The following AGMO variants were observed in gnomAD, a reference collection of about 807,000 sequenced individuals.
The protein encoded by AGMO is glyceryl-ether monooxygenase.
In AGMO, 75 loss-of-function variants were observed where a neutral mutation model predicts 60.2. That is an observed-to-expected ratio of 1.25 (90% CI 1.03 to 1.51). AGMO has a LOEUF of 1.51. Among genes scored for constraint, AGMO ranks in the 40% most tolerant of loss-of-function variants. AGMO has a pLI of 0.00. For synonymous variants in AGMO, 261 were observed against 177.1 expected (o/e 1.47, Z -3.76); for missense variants, 763 against 525.5 (o/e 1.45, Z -4.42).
At chr7:15,552,272 T>A (rs1784987339) in intron 2 of AGMO, among the ~76,000 whole-genome samples, 1 of 152,206 alleles carries the variant, frequency 6.6e-6, no homozygotes, top group African/African-American at 2.4e-5. Context: ...AAGGACTTCA[T>A]GTCCAAAACA....
intron 2 of AGMO, among the ~76,000 whole-genome samples, chr7:15,559,761 A>G (rs1237373629): frequency 3.9e-5 from 6 of 152,118 alleles, no homozygotes; most frequent in African/African-American, 1.4e-4. Context: ...TATTGTAGTT[A>G]TTCAGAGATT....
At chr7:15,422,280 T>A (rs2128495353) in intron 4 of AGMO, among the ~76,000 whole-genome samples, 1 of 152,116 alleles carries the variant, frequency 6.6e-6, no homozygotes, top group East Asian at 1.9e-4. Context: ...CCTGTTTATT[T>A]TTTTTTAATG....
At chr7:15,254,419 A>T (rs1783038444) in intron 12 of AGMO, among the ~76,000 whole-genome samples, 1 of 152,064 alleles carries the variant, frequency 6.6e-6, no homozygotes, top group East Asian at 1.9e-4. Flanking sequence ...GTTATTTGAT[A>T]ATAGCCCTTC....
At chr7:15,477,284 G>A (rs1312054644) in intron 3 of AGMO, among the ~76,000 whole-genome samples, 1 of 152,104 alleles carries the variant, frequency 6.6e-6, no homozygotes, top group Non-Finnish European at 1.5e-5. Flanking sequence ...TCTTTTGGGT[G>A]AGTGGTTAGA....
At chr7:15,529,189 T>C (rs926631043) in intron 3 of AGMO, among the ~76,000 whole-genome samples, 4 of 152,028 alleles carry the variant, frequency 2.6e-5, no homozygotes, top group African/African-American at 9.7e-5. Flanking sequence ...ATAATCATGG[T>C]GTTTTTAAAA....
At chr7:15,363,078 G>C (rs187361223) in intron 12 of AGMO, among the ~76,000 whole-genome samples, 16 of 152,280 alleles carry the variant, frequency 1.1e-4, no homozygotes, top group Non-Finnish European at 1.9e-4. Context: ...AATAATACTA[G>C]TAAGGCATTT....
chr7:15,135,162 TTGTGTGTGTGTG>T, the AGMO span, among the ~76,000 whole-genome samples: 2 of 102,010 alleles, frequency 2.0e-5, no homozygotes, highest in African/African-American at 3.5e-5. Context: ...TTATATGAGT[TTGTGTGTGTGTG>T]TGTGTGTGTG....
intron 3 of AGMO, among the ~76,000 whole-genome samples, chr7:15,464,475 G>C (rs1038764328): frequency 6.6e-6 from 1 of 152,182 alleles, no homozygotes; most frequent in Non-Finnish European, 1.5e-5. Flanking sequence ...AAACAAGTAA[G>C]TCGTACCAAT....
chr7:15,304,827 C>G (rs890276760), intron 12 of AGMO, among the ~76,000 whole-genome samples: 1 of 151,972 alleles, frequency 6.6e-6, no homozygotes, highest in African/African-American at 2.4e-5. Flanking sequence ...CATATATTCT[C>G]ATGAAAATCT....
At chr7:15,512,062 T>G (rs1783690301) in intron 3 of AGMO, among the ~76,000 whole-genome samples, 1 of 151,696 alleles carries the variant, frequency 6.6e-6, no homozygotes, top group Non-Finnish European at 1.5e-5. Flanking sequence ...TACAAAATAA[T>G]TTTAATAAGA....
chr7:15,461,719 G>C (rs1018601364), intron 3 of AGMO, among the ~76,000 whole-genome samples: 1 of 152,048 alleles, frequency 6.6e-6, no homozygotes, highest in South Asian at 2.1e-4. Flanking sequence ...CAGGATTTTA[G>C]AATTCGTTTC....
intron 12 of AGMO, among the ~76,000 whole-genome samples, chr7:15,350,238 A>G (rs1391622617): frequency 6.6e-6 from 1 of 152,198 alleles, no homozygotes; most frequent in Non-Finnish European, 1.5e-5. Flanking sequence ...AGCATGAAGG[A>G]TATTATTATA....
At chr7:15,494,287 C>T (rs1215013499) in intron 3 of AGMO, among the ~76,000 whole-genome samples, 2 of 152,280 alleles carry the variant, frequency 1.3e-5, no homozygotes, top group South Asian at 2.1e-4. Context: ...TATTTGAGCA[C>T]AGCTATGCTC....
At chr7:15,231,231 C>G (rs1782249837) in intron 12 of AGMO, among the ~76,000 whole-genome samples, 1 of 152,134 alleles carries the variant, frequency 6.6e-6, no homozygotes, top group African/African-American at 2.4e-5. Context: ...TGCAGTAGGA[C>G]AGGGATGTGG....
At chr7:15,160,903 G>A in the AGMO span, among the ~76,000 whole-genome samples, 4 of 152,296 alleles carry the variant, frequency 2.6e-5, no homozygotes, top group East Asian at 3.9e-4. Flanking sequence ...AGTTCTGGAG[G>A]AGGGAAGTAC....
At chr7:15,313,655 G>A (rs1213698084) in intron 12 of AGMO, among the ~76,000 whole-genome samples, 3 of 151,994 alleles carry the variant, frequency 2.0e-5, no homozygotes, top group Non-Finnish European at 4.4e-5. Context: ...ATATAAAATG[G>A]TTCCCCCTTA....
chr7:15,354,521 TATATATA>T, intron 12 of AGMO, among the ~76,000 whole-genome samples: 2 of 108,230 alleles, frequency 1.8e-5, no homozygotes, highest in Admixed American at 1.8e-4. Context: ...TATATATATA[TATATATA>T]TATATATATA....
intron 12 of AGMO, among the ~76,000 whole-genome samples, chr7:15,297,846 A>G (rs1332350417): frequency 1.3e-5 from 2 of 152,194 alleles, no homozygotes; most frequent in Admixed American, 6.5e-5. Context: ...TGTATAAAGA[A>G]TAAATAATAG....
intron 12 of AGMO, among the ~76,000 whole-genome samples, chr7:15,280,558 G>GC (rs963992832): frequency 4.6e-5 from 7 of 152,106 alleles, no homozygotes; most frequent in Admixed American, 3.9e-4. Flanking sequence ...CAGCTCTACG[G>GC]CCCCACCTAT....
Sources: gnomAD v4.1 joint callset for allele counts (sites outside exome capture counted in the v4.1 genomes callset) on GRCh38, gnomAD v4.1.1 for gene constraint, MANE v1.5 for transcripts, NCBI Gene and HGNC (gene_info 2026-07-23, HGNC 2026-07-21) for gene names.